The following MYLIP variants were observed in gnomAD, a reference collection of about 807,000 sequenced individuals.
The protein encoded by MYLIP is myosin regulatory light chain interacting protein, also known as E3 ubiquitin-protein ligase MYLIP.
A neutral mutation model predicts 45.8 loss-of-function variants in MYLIP; 26 were observed. The ratio of observed to expected loss-of-function variants is 0.57; its 90% CI spans 0.42 to 0.79. The LOEUF is 0.79. MYLIP is among the 30% of genes least tolerant of loss of function. MYLIP has a pLI of 0.00. For synonymous variants in MYLIP, 213 were observed against 218.1 expected (o/e 0.98, Z 0.21); for missense variants, 494 against 555.6 (o/e 0.89, Z 1.11).
chr6:16,152,256 C>T (rs1759887255), downstream of MYLIP, among the ~76,000 whole-genome samples: 2 of 152,180 alleles, frequency 1.3e-5, no homozygotes, highest in Non-Finnish European at 2.9e-5. Flanking sequence ...GGAGTTTATA[C>T]GTTTGATTCA....
chr6:16,141,530 T>G, intron 2 of MYLIP, 95 bp from the exon 3 acceptor site: 1 of 1,179,428 alleles, frequency 8.5e-7, no homozygotes, highest in Non-Finnish European at 1.2e-6. Flanking sequence ...CTTTTAAAAT[T>G]GCTTTCCTTA....
rs372617777 is a variant in MYLIP at position 16,145,065 on chromosome 6, T to C, written c.996T>C (p.Asn332=). 38 of 1,614,114 alleles carry C rather than the reference T, an allele frequency of 2.4e-5. No homozygotes were observed. The highest frequency in any genetic ancestry group is 3.2e-5 in the Non-Finnish European group (38 of 1,180,040). ...ACCATGCCAGGAGGGCTCTGTACAA[T>C]GCTGGCGTTGTGGACCTCGTTTCAA... is the stretch of plus-strand genomic sequence containing the variant. ...VYDHARRALY[N]AGVVDLVSRN... The change falls in exon 6 of 7, where the codon AAT becomes AAC. Residue 332 remains asparagine (N), a synonymous_variant. Transcript: ENST00000356840.
At chr6:16,155,903 G>A in the MYLIP span, among the ~76,000 whole-genome samples, 1 of 128,810 alleles carries the variant, frequency 7.8e-6, no homozygotes, top group East Asian at 4.2e-4. Flanking sequence ...CAGTGTGACA[G>A]CCTTTCTTTT....
Position 16,129,411 on chromosome 6 carries a change from T to G in MYLIP, c.87+2T>G, listed in dbSNP as rs752327773. The G allele has an allele frequency of 6.3e-7, 1 of 1,581,740 alleles. No homozygotes were observed. The highest frequency in any genetic ancestry group is 1.2e-5 in the South Asian group (1 of 86,832). ...AACGGCGAGGACTGCCTCAACCAGG[T>G]GAGGGCGAGGGGCAAGAAGGGGCCC... On this transcript the variant is annotated splice_donor_variant, in intron 1 of 6. Transcript: ENST00000356840. LOFTEE classifies it high-confidence loss of function. The surrounding 1 kb of genome is among the most constrained non-coding windows in gnomAD (Gnocchi z 5.1).
chr6:16,144,864 G>T, intron 5 of MYLIP, 33 bp from the exon 6 acceptor site: 1 of 1,586,666 alleles, frequency 6.3e-7, no homozygotes, highest in Non-Finnish European at 8.6e-7. Flanking sequence ...AGGCTCTTTG[G>T]TGTTAAAGTA....
downstream of MYLIP, among the ~76,000 whole-genome samples, chr6:16,151,368 GAAAAA>G (rs1292015143): frequency 6.8e-6 from 1 of 146,502 alleles, no homozygotes; most frequent in Non-Finnish European, 1.5e-5. Flanking sequence ...AAAAAAAAAA[GAAAAA>G]AGAAAAAGAA....
chr6:16,163,798 A>C, the MYLIP span: 2 of 152,236 alleles, frequency 1.3e-5, no homozygotes, highest in Non-Finnish European at 2.9e-5. Flanking sequence ...TTGTTAACAA[A>C]ACTATCATGA....
chr6:16,157,225 C>T, the MYLIP span, among the ~76,000 whole-genome samples: 2 of 152,198 alleles, frequency 1.3e-5, no homozygotes, highest in East Asian at 3.8e-4. Context: ...TTCACCTGAC[C>T]TAAACATTCT....
chr6:16,132,047 C>T (rs182105734), intron 2 of MYLIP, among the ~76,000 whole-genome samples: 5 of 152,232 alleles, frequency 3.3e-5, no homozygotes, highest in South Asian at 2.1e-4. Flanking sequence ...AACTTGCAGT[C>T]GAATACAAGA....
At chr6:16,133,282 T>G (rs1759492605) in intron 2 of MYLIP, among the ~76,000 whole-genome samples, 1 of 152,250 alleles carries the variant, frequency 6.6e-6, no homozygotes, top group Admixed American at 6.5e-5. Flanking sequence ...TTCATTGCTT[T>G]TGTGTCCTCT....
chr6:16,159,908 G>A, the MYLIP span, among the ~76,000 whole-genome samples: 5 of 152,112 alleles, frequency 3.3e-5, no homozygotes, highest in African/African-American at 9.7e-5. Flanking sequence ...AAGGGGCCCC[G>A]GGAGATACAA....
Position 16,143,855 on chromosome 6 carries a change from A to G in MYLIP, c.819A>G (p.Ala273=). The G allele has an allele frequency of 3.1e-6, 5 of 1,611,928 alleles. No homozygotes were observed. The highest frequency in any genetic ancestry group is 4.2e-6 in the Non-Finnish European group (5 of 1,179,508). Residue 273 remains alanine, a synonymous_variant, in exon 5 of 7, where the codon GCA becomes GCG. Transcript: ENST00000356840. Reference sequence around the variant, plus strand: ...ACCGAGCGATAACAGAGACGCACGCATTCTACAGGCACGTATCTCGTGTGC... The same window carrying G: ...ACCGAGCGATAACAGAGACGCACGCGTTCTACAGGCACGTATCTCGTGTGC... ...GLYRAITETH[A]FYRCDTVTSA...
intron 2 of MYLIP, among the ~76,000 whole-genome samples, chr6:16,133,978 G>A (rs906539546): frequency 1.3e-5 from 2 of 152,034 alleles, no homozygotes; most frequent in African/African-American, 2.4e-5. Context: ...ACTCTGACTC[G>A]TCCCTTGTTA....
intron 4 of MYLIP, 109 bp from the exon 5 acceptor site, chr6:16,143,590 G>A (rs1027618230): frequency 8.6e-5 from 97 of 1,128,976 alleles, no homozygotes; most frequent in Non-Finnish European, 1.1e-4. Context: ...CAGAGGAAGC[G>A]TCTGATTTTT....
chr6:16,144,783 AT>A, intron 5 of MYLIP, 113 bp from the exon 6 acceptor site: 1 of 1,199,560 alleles, frequency 8.3e-7, no homozygotes, highest in Non-Finnish European at 1.2e-6. Context: ...ACTTTCATAC[AT>A]GCAGACGAGA....
At chr6:16,136,918 T>C (rs944157287) in intron 2 of MYLIP, among the ~76,000 whole-genome samples, 1 of 152,274 alleles carries the variant, frequency 6.6e-6, no homozygotes, top group Non-Finnish European at 1.5e-5. Flanking sequence ...AAATTCTTCA[T>C]GTACCCTAGA....
Position 16,144,877 on chromosome 6 carries a change from T to A in MYLIP, c.828-20T>A, listed in dbSNP as rs200099792. On this transcript the variant is annotated intron_variant, in intron 5 of 6. Coordinates refer to ENST00000356840, the MANE Select transcript of MYLIP (RefSeq NM_013262.4). ...CCAGGCTCTTTGGTGTTAAAGTAGA[T>A]GTTCAATCTTGCCTTGCAGGTGTGA... is the stretch of plus-strand genomic sequence containing the variant. 3.5e-5 allele frequency: 56 copies of A among 1,596,284 alleles called. 1 individual carries two copies. In the Middle Eastern group the frequency reaches 1.3e-3, roughly 38 times the overall value.
chr6:16,162,515 A>C, the MYLIP span, among the ~76,000 whole-genome samples: 3 of 152,216 alleles, frequency 2.0e-5, no homozygotes, highest in African/African-American at 4.8e-5. Context: ...ATATAGTTAA[A>C]AATGTGGTCT....
At position 16,147,752 on chromosome 6, in the gene MYLIP, G is replaced by C. The variant is rs1329158261; in HGVS notation, c.*1001G>C. ...GTGTCCTTTTCTGTTTTTGGGGGGG[G>C]AGTTTTGTTGTGTTTTTTTAAAGTA... On this transcript the variant is annotated 3_prime_UTR_variant, in exon 7 of 7. Coordinates refer to ENST00000356840, the MANE Select transcript of MYLIP (RefSeq NM_013262.4). The C allele has an allele frequency of 6.6e-6, 1 of 152,598 alleles. No individual in the cohort carries two copies. Among genetic ancestry groups the C allele is most frequent in the South Asian group, 2.1e-4 (1 of 4,816 alleles). 9.5% of individuals were successfully genotyped at this position (152,598 alleles called of 1,614,324 possible). A position where few individuals can be genotyped will look rare whatever the true frequency, so the allele number is the denominator to read the frequency against.
Sources: gnomAD v4.1 joint callset for allele counts (sites outside exome capture counted in the v4.1 genomes callset) on GRCh38, gnomAD v4.1.1 for gene constraint, Gnocchi (gnomAD v3.1) non-coding constraint, MANE v1.5 for transcripts, NCBI Gene and HGNC (gene_info 2026-07-23, HGNC 2026-07-21) for gene names.